The following PARD3B variants were observed in gnomAD, a reference collection of about 807,000 sequenced individuals.
PARD3B encodes par-3 family cell polarity regulator beta, also known as partitioning defective 3 homolog B.
Under a neutral mutation model 130.2 loss-of-function variants are expected in PARD3B, and 103 were observed. That is an observed-to-expected ratio of 0.79 (90% CI 0.67 to 0.93). The LOEUF (loss-of-function observed/expected upper bound fraction) is 0.93, where lower values mean the gene tolerates loss of function less well. PARD3B is among the 40% of genes least tolerant of loss of function. The pLI, the probability that PARD3B is intolerant of heterozygous loss-of-function variation, is 0.00. For synonymous variants in PARD3B, 583 were observed against 553.2 expected (o/e 1.05, Z -0.76); for missense variants, 1,609 against 1,499.2 (o/e 1.07, Z -1.21).
At chr2:205,064,849 G>A (rs1201457044) in intron 4 of PARD3B, among the ~76,000 whole-genome samples, 1 of 152,192 alleles carries the variant, frequency 6.6e-6, no homozygotes, top group East Asian at 1.9e-4. Flanking sequence ...ATGTTGGGTA[G>A]AGGAAGACCT....
chr2:205,354,496 C>A (rs1240733687), intron 18 of PARD3B, among the ~76,000 whole-genome samples: 1 of 139,326 alleles, frequency 7.2e-6, no homozygotes, highest in Non-Finnish European at 1.6e-5. Flanking sequence ...TAAAAAAAAT[C>A]TTTTTAGAGC....
rs1210150520 is a variant in PARD3B, at chr2:205,592,038, A to T, written c.3261-23418A>T. Among the ~76,000 whole-genome samples, 1 of 152,210 alleles carries T rather than the reference A, an allele frequency of 6.6e-6. No homozygotes were observed. Among genetic ancestry groups the T allele is most frequent in the Non-Finnish European group, 1.5e-5 (1 of 68,036 alleles). ...CAGTGATGATGTCTTACAGTGTGTAACTGGGCTTTGTCAGTTACACAGTGC... is the reference window on the plus strand; with the variant it reads ...CAGTGATGATGTCTTACAGTGTGTATCTGGGCTTTGTCAGTTACACAGTGC... On this transcript the variant is annotated intron_variant, in intron 22 of 22. Transcript: ENST00000406610. The surrounding 1 kb of genome is among the most constrained non-coding windows in gnomAD (Gnocchi z 4.5).
intron 1 of PARD3B, among the ~76,000 whole-genome samples, chr2:204,602,457 AAAAC>A (rs2033553270): frequency 7.0e-6 from 1 of 142,240 alleles, no homozygotes; most frequent in East Asian, 2.5e-4. Context: ...AAAAAAAATA[AAAAC>A]AAAACTGTTG....
At chr2:205,003,597 C>G (rs181344572) in intron 3 of PARD3B, among the ~76,000 whole-genome samples, 1 of 152,206 alleles carries the variant, frequency 6.6e-6, no homozygotes, top group Non-Finnish European at 1.5e-5. Flanking sequence ...GAATTGTAGC[C>G]CACAGTCTGC....
intron 22 of PARD3B, among the ~76,000 whole-genome samples, chr2:205,612,368 C>T (rs572330976): frequency 6.6e-6 from 1 of 152,322 alleles, no homozygotes; most frequent in Non-Finnish European, 1.5e-5. Context: ...TCTCAAACTC[C>T]TGACCTCAAG....
At chr2:205,095,388 CAG>C (rs1702336435) in intron 4 of PARD3B, among the ~76,000 whole-genome samples, 1 of 152,056 alleles carries the variant, frequency 6.6e-6, no homozygotes, top group Non-Finnish European at 1.5e-5. Context: ...GAGAAAGAAA[CAG>C]TGAACAATAA....
intron 2 of PARD3B, among the ~76,000 whole-genome samples, chr2:204,877,962 A>G (rs1473505005): frequency 6.6e-6 from 1 of 152,192 alleles, no homozygotes; most frequent in Non-Finnish European, 1.5e-5. Context: ...ATTAGTTTCA[A>G]TTTCCTGCCA....
Position 205,288,190 on chromosome 2 carries a change from C to T in PARD3B, c.2186-12340C>T, listed in dbSNP as rs933471620. Among the ~76,000 whole-genome samples, 1 of 151,406 alleles carries T rather than the reference C, an allele frequency of 6.6e-6. No homozygotes were observed. Among genetic ancestry groups the T allele is most frequent in the Non-Finnish European group, 1.5e-5 (1 of 67,488 alleles). ...GGAAGCCTAGGGGTAGCAGGCAGTG[C>T]CCCCTGTCCCGTCCACCCAGACACA... On this transcript the variant is annotated intron_variant, in intron 16 of 22. Coordinates refer to ENST00000406610, the MANE Select transcript of PARD3B (RefSeq NM_001302769.2). The surrounding 1 kb of genome is among the most constrained non-coding windows in gnomAD (Gnocchi z 4.0).
intron 4 of PARD3B, among the ~76,000 whole-genome samples, chr2:205,052,182 G>A (rs1037428217): frequency 2.0e-5 from 3 of 151,710 alleles, no homozygotes; most frequent in African/African-American, 7.3e-5. Context: ...CTTAATATCC[G>A]GTTAACTAGC....
At chr2:204,550,306 A>C (rs893424359) in intron 1 of PARD3B, among the ~76,000 whole-genome samples, 1 of 152,250 alleles carries the variant, frequency 6.6e-6, no homozygotes, top group African/African-American at 2.4e-5. Context: ...TAGTGACAAG[A>C]AAATTGTGTG....
At chr2:205,306,043 G>T (rs948802777) in intron 18 of PARD3B, among the ~76,000 whole-genome samples, 33 of 152,154 alleles carry the variant, frequency 2.2e-4, no homozygotes, top group African/African-American at 8.0e-4. Context: ...GTAATCACAA[G>T]GAGCCTTAAA....
In PARD3B at chr2:205,440,777, G is replaced by C. The variant is rs2047688416; in HGVS notation, c.3044+105G>C. 5 of 1,212,734 alleles carry C rather than the reference G, an allele frequency of 4.1e-6. No individual in the cohort carries two copies. The East Asian group carries it at 1.0e-4, about 24-fold the overall frequency. The allele number at this position is 1,212,734 out of a possible 1,614,324, so 75.1% of individuals were successfully genotyped here. A position where few individuals can be genotyped will look rare whatever the true frequency, so the allele number is the denominator to read the frequency against. On this transcript the variant is annotated intron_variant, in intron 20 of 22. Coordinates refer to ENST00000406610, the MANE Select transcript of PARD3B (RefSeq NM_001302769.2). The surrounding 1 kb of genome is among the most constrained non-coding windows in gnomAD (Gnocchi z 4.2). ...ATGTCTCCTTCAATCAATTAAAACTGAAACGAGTCAGTACCCTAGACAAGT... is the reference window on the plus strand; with the variant it reads ...ATGTCTCCTTCAATCAATTAAAACTCAAACGAGTCAGTACCCTAGACAAGT...
intron 18 of PARD3B, among the ~76,000 whole-genome samples, chr2:205,360,077 A>G (rs1559699792): frequency 6.6e-6 from 1 of 152,154 alleles, no homozygotes; most frequent in Non-Finnish European, 1.5e-5. Context: ...GGTATTGTCT[A>G]CATTTCTGAT....
chr2:205,100,197 G>T (rs942441898), intron 4 of PARD3B, among the ~76,000 whole-genome samples: 48 of 151,980 alleles, frequency 3.2e-4, no homozygotes, highest in African/African-American at 1.1e-3. Context: ...ACCTTGTTAG[G>T]GATCAACAAC....
intron 2 of PARD3B, among the ~76,000 whole-genome samples, chr2:204,956,261 G>A (rs1690227226): frequency 6.6e-6 from 1 of 152,222 alleles, no homozygotes; most frequent in Non-Finnish European, 1.5e-5. Flanking sequence ...TTTCTGAGAC[G>A]ATTCTATCTT....
intron 2 of PARD3B, among the ~76,000 whole-genome samples, chr2:204,770,935 C>T (rs183569750): frequency 8.6e-4 from 131 of 152,172 alleles, no homozygotes; most frequent in African/African-American, 3.0e-3. Flanking sequence ...CTTTTCCTAA[C>T]AAATAACTTG....
intron 10 of PARD3B, among the ~76,000 whole-genome samples, chr2:205,137,307 T>A (rs1015145785): frequency 2.0e-5 from 3 of 152,122 alleles, no homozygotes; most frequent in African/African-American, 7.2e-5. Flanking sequence ...AGAAAAAAGT[T>A]CCAGAAATAT....
rs2044612129 is a variant in PARD3B, at chr2:205,366,421, T to C, written c.2631-34592T>C. Among the ~76,000 whole-genome samples the C allele has an allele frequency of 6.6e-6, 1 of 152,204 alleles. No homozygotes were observed. Among genetic ancestry groups the C allele is most frequent in the South Asian group, 2.1e-4 (1 of 4,828 alleles). On this transcript the variant is annotated intron_variant, in intron 18 of 22. Coordinates refer to ENST00000406610, the MANE Select transcript of PARD3B (RefSeq NM_001302769.2). The surrounding 1 kb of genome is among the most constrained non-coding windows in gnomAD (Gnocchi z 5.0). ...GATGACAACCTAATGTTTTGTTCTC[T>C]CAGTGGTTATTACAGCAGCTTATAT...
At chr2:205,123,540 C>A (rs1382051645) in intron 8 of PARD3B, among the ~76,000 whole-genome samples, 1 of 151,410 alleles carries the variant, frequency 6.6e-6, no homozygotes, top group Non-Finnish European at 1.5e-5. Flanking sequence ...TGAGGAACAT[C>A]TGTGGCTACA....
Sources: gnomAD v4.1 joint callset for allele counts (sites outside exome capture counted in the v4.1 genomes callset) on GRCh38, gnomAD v4.1.1 for gene constraint, Gnocchi (gnomAD v3.1) non-coding constraint, MANE v1.5 for transcripts, NCBI Gene and HGNC (gene_info 2026-07-23, HGNC 2026-07-21) for gene names.